The following MAGI2 variants were observed in gnomAD, a reference collection of about 807,000 sequenced individuals.
MAGI2 encodes the protein membrane-associated guanylate kinase, WW and PDZ domain-containing protein 2.
A neutral mutation model predicts 133.3 loss-of-function variants in MAGI2; 35 were observed. That is an observed-to-expected ratio of 0.26 (90% CI 0.20 to 0.35). MAGI2 has a LOEUF of 0.35. Ranked by LOEUF, MAGI2 falls within the 10% of genes least tolerant of loss-of-function variation. The pLI, the probability that MAGI2 is intolerant of heterozygous loss-of-function variation, is 1.00. For missense variants in MAGI2, 1,636 were observed against 1,863.4 expected, an observed-to-expected ratio of 0.88 and a Z score of 2.25; for synonymous variants, 729 against 710.6, an observed-to-expected ratio of 1.03 and a Z score of -0.41.
At chr7:79,338,165 C>T (rs1342863011) in intron 1 of MAGI2, among the ~76,000 whole-genome samples, 1 of 152,116 alleles carries the variant, frequency 6.6e-6, no homozygotes, top group Non-Finnish European at 1.5e-5. Flanking sequence ...TGGAATGTTT[C>T]ATTTTAGAAG....
chr7:78,682,456 G>C (rs1815788815), intron 2 of MAGI2, among the ~76,000 whole-genome samples: 1 of 151,966 alleles, frequency 6.6e-6, no homozygotes, highest in African/African-American at 2.4e-5. Flanking sequence ...TCCCACTTAT[G>C]AGTGAGAACA....
intron 6 of MAGI2, among the ~76,000 whole-genome samples, chr7:78,414,668 G>C (rs1798145917): frequency 2.6e-5 from 4 of 151,734 alleles, no homozygotes; most frequent in African/African-American, 9.7e-5. Context: ...ACACACCCCT[G>C]CCCCCCTTCT....
chr7:78,497,266 A>G (rs1481104682), intron 5 of MAGI2, among the ~76,000 whole-genome samples: 1 of 152,216 alleles, frequency 6.6e-6, no homozygotes, highest in African/African-American at 2.4e-5. Flanking sequence ...ATTTTAAAGC[A>G]TGTTTGGAAG....
intron 17 of MAGI2, among the ~76,000 whole-genome samples, chr7:78,133,844 C>G (rs1033182456): frequency 1.3e-5 from 2 of 152,136 alleles, no homozygotes; most frequent in African/African-American, 4.8e-5. Context: ...TTTCTTTTCT[C>G]TCTCTCTTTT....
At chr7:79,045,922 AATAAC>A (rs1473413528) in intron 1 of MAGI2, among the ~76,000 whole-genome samples, 1 of 152,176 alleles carries the variant, frequency 6.6e-6, no homozygotes, top group Non-Finnish European at 1.5e-5. Flanking sequence ...CATATGATAA[AATAAC>A]ATAAAACAAT....
intron 2 of MAGI2, among the ~76,000 whole-genome samples, chr7:78,786,294 T>C (rs942054184): frequency 2.6e-5 from 4 of 152,156 alleles, no homozygotes; most frequent in African/African-American, 7.2e-5. Context: ...GCTACTCTCA[T>C]GTGTAATATG....
chr7:79,020,389 A>G (rs887314077), intron 1 of MAGI2, among the ~76,000 whole-genome samples: 16 of 152,204 alleles, frequency 1.1e-4, no homozygotes, highest in African/African-American at 3.6e-4. Flanking sequence ...AAAATTTTAG[A>G]AAATCTGCAG....
intron 1 of MAGI2, among the ~76,000 whole-genome samples, chr7:79,260,667 G>A (rs914476946): frequency 1.2e-4 from 19 of 152,072 alleles, no homozygotes; most frequent in Non-Finnish European, 8.8e-5. Flanking sequence ...ATGGGTTGCA[G>A]TCAAAACACT....
chr7:78,924,351 T>G (rs182030263), intron 2 of MAGI2, among the ~76,000 whole-genome samples: 4,275 of 152,252 alleles, frequency 0.028, 268 homozygotes, highest in East Asian at 0.17. Flanking sequence ...TAGCTCTTAT[T>G]ATTTTGAGAT....
At chr7:78,048,454 C>G (rs1811659881) in intron 21 of MAGI2, among the ~76,000 whole-genome samples, 1 of 152,094 alleles carries the variant, frequency 6.6e-6, no homozygotes, top group African/African-American at 2.4e-5. Context: ...GTTCCTCACG[C>G]TCATTAAAAA....
At chr7:78,634,799 G>T (rs1266503910) in intron 2 of MAGI2, among the ~76,000 whole-genome samples, 1 of 152,122 alleles carries the variant, frequency 6.6e-6, no homozygotes, top group African/African-American at 2.4e-5. Context: ...GAATATAGAT[G>T]ATTCATCATA....
chr7:78,719,393 G>A lies in MAGI2; in HGVS notation c.419-92154C>T, dbSNP rs558845824. On this transcript the variant is annotated intron_variant, in intron 2 of 21. Coordinates refer to ENST00000354212, the MANE Select transcript of MAGI2 (RefSeq NM_012301.4). ...ATAAAGAAAAAAAATCCAACTGTAA[G>A]TGACCTTCAAATAACCTAAGCATTG... is the stretch of plus-strand genomic sequence containing the variant. 3.9e-5 allele frequency among the ~76,000 whole-genome samples: 6 copies of A among 152,250 alleles called. No homozygotes were observed. The East Asian group carries it at 9.7e-4, about 25-fold the overall frequency.
At chr7:78,847,229 G>A (rs939495067) in intron 2 of MAGI2, among the ~76,000 whole-genome samples, 1 of 151,896 alleles carries the variant, frequency 6.6e-6, no homozygotes, top group African/African-American at 2.4e-5. Flanking sequence ...TATGCTAGAT[G>A]CTATTTTACA....
intron 21 of MAGI2, among the ~76,000 whole-genome samples, chr7:78,049,794 G>A (rs535007329): frequency 1.3e-5 from 2 of 152,264 alleles, no homozygotes; most frequent in African/African-American, 4.8e-5. Context: ...AACCATCGAT[G>A]CAATGATTCT....
chr7:78,696,859 G>T (rs1817566557), intron 2 of MAGI2, among the ~76,000 whole-genome samples: 1 of 152,254 alleles, frequency 6.6e-6, no homozygotes, highest in South Asian at 2.1e-4. Context: ...AACTAGAGAG[G>T]TTGCTTGAAT....
At chr7:78,045,696 G>T (rs554695410) in intron 21 of MAGI2, among the ~76,000 whole-genome samples, 31 of 152,230 alleles carry the variant, frequency 2.0e-4, no homozygotes, top group Admixed American at 1.7e-3. Context: ...TCTGAGATCT[G>T]AAGATTCACT....
At chr7:79,398,588 G>A (rs1322098122) in intron 1 of MAGI2, among the ~76,000 whole-genome samples, 1 of 152,132 alleles carries the variant, frequency 6.6e-6, no homozygotes, top group African/African-American at 2.4e-5. Context: ...GAATTCATTT[G>A]GACAGGAAGT....
intron 1 of MAGI2, among the ~76,000 whole-genome samples, chr7:79,348,103 A>G (rs1288295884): frequency 6.6e-6 from 1 of 151,944 alleles, no homozygotes; most frequent in Non-Finnish European, 1.5e-5. Context: ...ATAAGATCCA[A>G]TCTTATTAAT....
intron 3 of MAGI2, among the ~76,000 whole-genome samples, chr7:78,611,355 A>C (rs527823176): frequency 6.6e-6 from 1 of 152,316 alleles, no homozygotes; most frequent in Admixed American, 6.5e-5. Flanking sequence ...ATATCCTGTG[A>C]AACTTAGTCA....
Sources: gnomAD v4.1 joint callset for allele counts (sites outside exome capture counted in the v4.1 genomes callset) on GRCh38, gnomAD v4.1.1 for gene constraint, MANE v1.5 for transcripts, NCBI Gene and HGNC (gene_info 2026-07-23, HGNC 2026-07-21) for gene names.